CHD1L: variants seen among roughly 807,000 people sequenced by gnomAD.
The protein encoded by CHD1L is chromodomain helicase DNA binding protein 1 like.
In CHD1L, 118 loss-of-function variants were observed where a neutral mutation model predicts 115.9. The ratio of observed to expected loss-of-function variants is 1.02; its 90% CI spans 0.88 to 1.19. The LOEUF (loss-of-function observed/expected upper bound fraction) is 1.19. Ranked by LOEUF, CHD1L falls within the 50% of genes most tolerant of loss-of-function variation. The probability of loss-of-function intolerance (pLI) is 0.00; values close to 1 mark genes in which losing one functional copy is unlikely to be tolerated. For synonymous variants in CHD1L, 411 were observed against 387.1 expected (o/e 1.06, Z -0.72); for missense variants, 1,179 against 1,065.3 (o/e 1.11, Z -1.49).
At chr1:147,250,567 G>A (rs57078845) in intron 1 of CHD1L, among the ~76,000 whole-genome samples, 12,280 of 152,080 alleles carry the variant, frequency 0.081, 630 homozygotes, top group East Asian at 0.16. Flanking sequence ...GTAGGGCCTC[G>A]TTATTGGTTG....
the CHD1L span, among the ~76,000 whole-genome samples, chr1:147,191,646 C>G: frequency 6.6e-6 from 1 of 151,386 alleles, no homozygotes; most frequent in African/African-American, 2.4e-5. Context: ...CCTGTTCACT[C>G]TGATGGTAGT....
At chr1:147,239,405 G>A (rs587683156), upstream of CHD1L, among the ~76,000 whole-genome samples, 73 of 152,026 alleles carry the variant, frequency 4.8e-4, no homozygotes, top group Admixed American at 4.7e-3. Context: ...CAGTTGCTCG[G>A]GCCACATCCC....
chr1:147,233,402 G>C, the CHD1L span, among the ~76,000 whole-genome samples: 1 of 134,554 alleles, frequency 7.4e-6, no homozygotes, highest in African/African-American at 3.2e-5. Flanking sequence ...CCGGCCAGCC[G>C]CCCCGTCCGG....
At chr1:147,201,673 G>T in the CHD1L span, among the ~76,000 whole-genome samples, 4 of 152,200 alleles carry the variant, frequency 2.6e-5, no homozygotes, top group African/African-American at 9.7e-5. Flanking sequence ...CACAGATCAA[G>T]ATCAGATCTG....
the CHD1L span, chr1:147,178,120 C>T: frequency 6.3e-7 from 1 of 1,588,842 alleles, no homozygotes. Context: ...CGCCATGTGC[C>T]TCCGCCGCCC....
At chr1:147,183,425 C>G in the CHD1L span, among the ~76,000 whole-genome samples, 5 of 152,130 alleles carry the variant, frequency 3.3e-5, no homozygotes, top group African/African-American at 1.2e-4. Flanking sequence ...TGAGGTCTTA[C>G]TATGTTTCAG....
the CHD1L span, chr1:147,178,479 T>A: frequency 6.2e-7 from 1 of 1,610,212 alleles, no homozygotes; most frequent in East Asian, 2.2e-5. Context: ...GGACTGCTGA[T>A]GGAATTGTCA....
At chr1:147,271,353 G>T (rs587720976) in intron 11 of CHD1L, among the ~76,000 whole-genome samples, 6 of 152,166 alleles carry the variant, frequency 3.9e-5, no homozygotes, top group African/African-American at 4.8e-5. Flanking sequence ...CAACAGTTGA[G>T]CACTTACTCA....
intron 5 of CHD1L, among the ~76,000 whole-genome samples, chr1:147,258,068 A>G (rs587693134): frequency 1.4e-4 from 22 of 152,330 alleles, no homozygotes; most frequent in Non-Finnish European, 2.8e-4. Context: ...TGTATTGTAC[A>G]TTCTGAGAAT....
the CHD1L span, among the ~76,000 whole-genome samples, chr1:147,231,325 G>T: frequency 6.6e-6 from 1 of 152,178 alleles, no homozygotes; most frequent in African/African-American, 2.4e-5. Context: ...TTTTGAGTGA[G>T]TTCCTTAATC....
intron 15 of CHD1L, among the ~76,000 whole-genome samples, chr1:147,283,875 C>T (rs1010375772): frequency 4.6e-5 from 7 of 152,134 alleles, no homozygotes; most frequent in Admixed American, 1.3e-4. Context: ...AGGATCATGA[C>T]GAAGACGCTT....
rs782614177 is a variant in CHD1L at position 147,267,470 on chromosome 1, A to G, written c.940A>G (p.Ile314Val). The G allele has an allele frequency of 2.5e-6, 4 of 1,613,168 alleles. No homozygotes were observed. Among genetic ancestry groups the G allele is most frequent in the Admixed American group, 1.7e-5 (1 of 59,904 alleles). ...ETAKKVKLQN[I>V]LSQLRKCVDH... Reference sequence around the variant, plus strand: ...GGCAAAGAAAGTTAAACTACAGAACATTTTGTCCCAGCTTCGAAAGTGTGT... The same window carrying G: ...GGCAAAGAAAGTTAAACTACAGAACGTTTTGTCCCAGCTTCGAAAGTGTGT... The change falls in exon 9 of 23, where the codon ATT (isoleucine) becomes GTT (valine). Residue 314 changes from isoleucine to valine, a missense_variant. Coordinates refer to ENST00000369258, the MANE Select transcript of CHD1L (RefSeq NM_004284.6).
chr1:147,187,467 C>G, the CHD1L span, among the ~76,000 whole-genome samples: 1 of 152,136 alleles, frequency 6.6e-6, no homozygotes, highest in Non-Finnish European at 1.5e-5. Context: ...TGGTTTCAGA[C>G]TGCCAAATAG....
chr1:147,204,950 C>T, the CHD1L span: 4 of 1,479,298 alleles, frequency 2.7e-6, no homozygotes, highest in South Asian at 1.1e-5. Flanking sequence ...CTGCAGGAAG[C>T]CGTTCACGTG....
At chr1:147,189,937 T>C in the CHD1L span, among the ~76,000 whole-genome samples, 1 of 152,158 alleles carries the variant, frequency 6.6e-6, no homozygotes, top group African/African-American at 2.4e-5. Flanking sequence ...CCTATGTGAC[T>C]TTTTTTAGGC....
the CHD1L span, chr1:147,203,946 C>T: frequency 7.5e-7 from 1 of 1,337,166 alleles, no homozygotes; most frequent in Non-Finnish European, 1.1e-6. Flanking sequence ...AGAGCTGTAG[C>T]ACCAACTGTT....
the CHD1L span, among the ~76,000 whole-genome samples, chr1:147,233,921 C>A: frequency 6.6e-6 from 1 of 152,068 alleles, no homozygotes; most frequent in East Asian, 1.9e-4. Flanking sequence ...GTCATCACCA[C>A]TCCCTAATCT....
the CHD1L span, chr1:147,173,296 T>TC: frequency 6.6e-6 from 1 of 152,578 alleles, no homozygotes; most frequent in Non-Finnish European, 1.5e-5. Context: ...CGATACTCCG[T>TC]CCCCCTCTCC....
intron 5 of CHD1L, chr1:147,259,198 A>G (rs1671101442): frequency 6.6e-6 from 1 of 152,212 alleles, no homozygotes; most frequent in Non-Finnish European, 1.5e-5. Context: ...ACTTCTTGAG[A>G]AATTGCTGAT....
Sources: allele counts gnomAD v4.1 joint callset (sites outside exome capture counted in the v4.1 genomes callset), GRCh38; gene constraint gnomAD v4.1.1; transcripts MANE v1.5; gene names NCBI Gene and HGNC (gene_info 2026-07-23, HGNC 2026-07-21).